The following AMPD3 variants were observed in gnomAD, a reference collection of about 807,000 sequenced individuals.
AMPD3 encodes AMP deaminase 3.
AMPD3 carries 57 observed loss-of-function variants against 82.3 expected under a neutral mutation model. The observed-to-expected ratio is 0.69, with a 90% CI of 0.56 to 0.86. The LOEUF is 0.86. AMPD3 is among the 40% of genes least tolerant of loss of function. AMPD3 has a pLI of 0.00. For missense variants in AMPD3, 870 were observed against 1,003.8 expected (o/e 0.87, Z 1.80); for synonymous variants, 381 against 394.7 (o/e 0.97, Z 0.41).
intron 2 of AMPD3, 66 bp from the exon 3 acceptor site, chr11:10,478,460 G>C: frequency 1.3e-6 from 2 of 1,599,142 alleles, no homozygotes; most frequent in Non-Finnish European, 1.7e-6. Context: ...ACACAGCAAA[G>C]AGTCTTTATC....
Position 10,484,397 on chromosome 11 carries a change from T to G in AMPD3, c.590-423T>G, listed in dbSNP as rs923195552. 4.1e-6 allele frequency: 4 copies of G among 985,182 alleles called. No homozygotes were observed. In the African/African-American group the frequency reaches 7.0e-5, roughly 17 times the overall value. 61.0% of individuals were successfully genotyped at this position (985,182 alleles called of 1,614,324 possible). ...AGTTATTCCCACTGGGCAGTCCAGG[T>G]GCAATCTGTTTTTTTCCTGGGAGAA... On this transcript the variant is annotated intron_variant, in intron 4 of 14. Transcript: ENST00000396553.
chr11:10,455,781 A>C (rs940349242), intron 1 of AMPD3, among the ~76,000 whole-genome samples: 5 of 152,012 alleles, frequency 3.3e-5, no homozygotes, highest in Non-Finnish European at 1.5e-5. Flanking sequence ...CTGGGATTGA[A>C]GCTCCCCCTG....
At chr11:10,460,996 C>A in intron 1 of AMPD3, 1 of 1,094,752 alleles carries the variant, frequency 9.1e-7, no homozygotes, top group Non-Finnish European at 1.1e-6. Flanking sequence ...TTCTCTTCAG[C>A]AAAAGGCCTT....
intron 14 of AMPD3, chr11:10,505,361 T>A: frequency 5.6e-6 from 5 of 896,992 alleles, no homozygotes; most frequent in Non-Finnish European, 6.3e-6. Context: ...AGGAACATTG[T>A]CCTTGTCAGC....
chr11:10,474,590 G>A (rs1848684862), intron 2 of AMPD3, among the ~76,000 whole-genome samples: 1 of 152,214 alleles, frequency 6.6e-6, no homozygotes, highest in Admixed American at 6.5e-5. Flanking sequence ...GACAGGTGCT[G>A]GGAGGTAAGA....
rs749117642 is a variant in AMPD3 at position 10,505,939 on chromosome 11, G to A, written c.*55G>A. 1.4e-5 allele frequency: 22 copies of A among 1,598,738 alleles called. No individual in the cohort carries two copies. Among genetic ancestry groups the A allele is most frequent in the Non-Finnish European group, 1.8e-5 (21 of 1,168,492 alleles). ...TTGGTTCAATTTCAAGTCTGCTGTG[G>A]CTAATAGTGGTCAAGATTCCGAACT... On this transcript the variant is annotated 3_prime_UTR_variant, in exon 15 of 15. Transcript: ENST00000396553.
Position 10,466,932 on chromosome 11 carries a change from C to G in AMPD3, c.221+5192C>G, listed in dbSNP as rs12295824. 6.6e-3 allele frequency among the ~76,000 whole-genome samples: 1,009 copies of G among 152,316 alleles called. 8 individuals are homozygous for G. The highest frequency in any genetic ancestry group is 0.023 in the African/African-American group (952 of 41,566). ...GGAGTGGACCTCCAGCAAACTCTAG[C>G]AGAGGGGTCTGATTGTTAGGAGGAA... is the stretch of plus-strand genomic sequence containing the variant. On this transcript the variant is annotated intron_variant, in intron 2 of 14. Coordinates refer to ENST00000396553, the MANE Select transcript of AMPD3 (RefSeq NM_001025389.2).
intron 9 of AMPD3, 85 bp downstream of exon 9, chr11:10,495,818 G>A: frequency 6.4e-7 from 1 of 1,552,542 alleles, no homozygotes; most frequent in Non-Finnish European, 8.8e-7. Flanking sequence ...GCACTCCTGA[G>A]GGGTAGGGCC....
At chr11:10,464,081 C>T (rs1307288843) in intron 2 of AMPD3, among the ~76,000 whole-genome samples, 2 of 152,182 alleles carry the variant, frequency 1.3e-5, no homozygotes, top group Non-Finnish European at 2.9e-5. Flanking sequence ...GAGATGCTAA[C>T]AGCTACCTTC....
rs16907904 is a variant in AMPD3, at chr11:10,497,871, G to A, written c.1557+933G>A. ...CTCACCTAAGCCTCACAATTACCCC[G>A]TTACTATCACCATTTTGTTGTTAAC... On this transcript the variant is annotated intron_variant, in intron 10 of 14. Transcript: ENST00000396553. 7,762 of 978,700 alleles carry A rather than the reference G, an allele frequency of 7.9e-3. 348 individuals are homozygous for A. In the African/African-American group the frequency reaches 0.11, roughly 13 times the overall value. The allele number at this position is 978,700 out of a possible 1,614,324, so 60.6% of individuals were successfully genotyped here.
intron 11 of AMPD3, chr11:10,500,476 C>T: frequency 3.4e-6 from 2 of 596,256 alleles, no homozygotes; most frequent in Non-Finnish European, 4.2e-6. Flanking sequence ...CCATAACACA[C>T]ATGCCAGTAC....
chr11:10,471,712 G>A (rs1283994126), intron 2 of AMPD3, among the ~76,000 whole-genome samples: 2 of 152,196 alleles, frequency 1.3e-5, no homozygotes, highest in African/African-American at 2.4e-5. Flanking sequence ...ATCATCACTG[G>A]TCATTAGAGA....
rs1484051753 is a variant in AMPD3, at chr11:10,495,751, C to T, written c.1430+18C>T. The stretch of plus-strand genomic sequence containing the variant: ...CGGATTTAGTAAGTGAGGTGGCCCG[C>T]TGTCTACCCTGTGCCCTACAGAGGT... On this transcript the variant is annotated intron_variant, in intron 9 of 14. Transcript: ENST00000396553. 1.2e-6 allele frequency: 2 copies of T among 1,613,818 alleles called. No homozygotes were observed. Among genetic ancestry groups the T allele is most frequent in the South Asian group, 1.1e-5 (1 of 91,048 alleles).
At chr11:10,455,996 A>G (rs1257967088) in intron 1 of AMPD3, 2 of 985,278 alleles carry the variant, frequency 2.0e-6, no homozygotes, top group Non-Finnish European at 2.4e-6. Flanking sequence ...GCTGTGGCTT[A>G]TCTCCTGCAG....
chr11:10,496,809 C>T lies in AMPD3; in HGVS notation c.1431-3C>T, dbSNP rs751925691. ...TGACAAGCGAGTCTTTGCTGTCCCC[C>T]AGTGACATATTTAGGTCAAAGAAGC... is the stretch of plus-strand genomic sequence containing the variant. On this transcript the variant is annotated splice_polypyrimidine_tract_variant and splice_region_variant and intron_variant, in intron 9 of 14. Coordinates refer to ENST00000396553, the MANE Select transcript of AMPD3 (RefSeq NM_001025389.2). 294 of 1,614,022 alleles carry T rather than the reference C, an allele frequency of 1.8e-4. No individual in the cohort carries two copies. Among genetic ancestry groups the T allele is most frequent in the Non-Finnish European group, 2.4e-4 (280 of 1,180,016 alleles).
At chr11:10,476,192 A>G (rs1321902632) in intron 2 of AMPD3, among the ~76,000 whole-genome samples, 1 of 152,204 alleles carries the variant, frequency 6.6e-6, no homozygotes, top group Non-Finnish European at 1.5e-5. Context: ...TCCAAGCTCA[A>G]GGGGAGTGAG....
intron 2 of AMPD3, among the ~76,000 whole-genome samples, chr11:10,475,844 A>G (rs550318262): frequency 1.8e-4 from 27 of 152,272 alleles, no homozygotes; most frequent in Admixed American, 4.6e-4. Context: ...AAAGCCAGCA[A>G]GCAGCCTGGG....
chr11:10,450,619 C>T (rs1034569395), upstream of AMPD3: 36 of 994,494 alleles, frequency 3.6e-5, no homozygotes, highest in Non-Finnish European at 4.2e-5. Context: ...CGGCGCGGGC[C>T]CCGCGGAGCC....
At position 10,461,458 on chromosome 11, in the gene AMPD3, C is replaced by T. The variant is rs767955616; in HGVS notation, c.-5-57C>T. 7 of 1,612,176 alleles carry T rather than the reference C, an allele frequency of 4.3e-6. No homozygotes were observed. The African/African-American group carries it at 6.7e-5, about 15-fold the overall frequency. ...GGCCCTCACTTCAGTGCCTTCTCTT[C>T]CCCGGTGCTGGTGACTCAGGGCATC... On this transcript the variant is annotated intron_variant, in intron 1 of 14. Transcript: ENST00000396553.
Sources: gnomAD v4.1 joint callset for allele counts (sites outside exome capture counted in the v4.1 genomes callset) on GRCh38, gnomAD v4.1.1 for gene constraint, MANE v1.5 for transcripts, NCBI Gene and HGNC (gene_info 2026-07-23, HGNC 2026-07-21) for gene names.